The following TFEC variants were observed in gnomAD, a reference collection of about 807,000 sequenced individuals.
TFEC encodes class E basic helix-loop-helix protein 34.
TFEC carries 31 observed loss-of-function variants against 41.6 expected under a neutral mutation model. That is an observed-to-expected ratio of 0.74 (90% confidence interval 0.56 to 1.01). TFEC has a LOEUF of 1.01. TFEC is among the 50% of genes least tolerant of loss of function. The pLI, the probability that TFEC is intolerant of heterozygous loss-of-function variation, is 0.00. For missense variants in TFEC, 402 were observed against 404.1 expected, an observed-to-expected ratio of 0.99 and a Z score of 0.04; for synonymous variants, 143 against 140.6, an observed-to-expected ratio of 1.02 and a Z score of -0.12.
chr7:115,998,417 G>C (rs1486381820), intron 1 of TFEC, among the ~76,000 whole-genome samples: 1 of 151,564 alleles, frequency 6.6e-6, no homozygotes, highest in Non-Finnish European at 1.5e-5. Flanking sequence ...AAAGAAGGAA[G>C]AGAAGACCAC....
At chr7:116,153,663 G>GA (rs1032944706) in intron 1 of TFEC, among the ~76,000 whole-genome samples, 48 of 145,290 alleles carry the variant, frequency 3.3e-4, no homozygotes, top group East Asian at 6.0e-4. Context: ...GGACAAAGAG[G>GA]AAAAAAAAAA....
chr7:116,153,921 C>A (rs1193105408), intron 1 of TFEC, among the ~76,000 whole-genome samples: 1 of 152,106 alleles, frequency 6.6e-6, no homozygotes, highest in African/African-American at 2.4e-5. Flanking sequence ...TAACTGGAAT[C>A]ATAGAAAAAG....
In TFEC at chr7:115,940,653, A is replaced by T. The variant is rs1424020562; in HGVS notation, c.942T>A (p.Ser314=). Residue 314 remains serine, a synonymous_variant, in exon 8 of 8, where the codon TCT becomes TCA. Transcript: ENST00000265440. ...ATAGCAGAGGATCTGTTCCAAATGG[A>T]GAGATTGTGTCATCCAATAGCATGC... ...LDGMLLDDTI[S]PFGTDPLLSA... 1.2e-6 allele frequency: 2 copies of T among 1,613,586 alleles called. No individual in the cohort carries two copies. The highest frequency in any genetic ancestry group is 4.5e-5 in the East Asian group (2 of 44,856).
intron 1 of TFEC, among the ~76,000 whole-genome samples, chr7:116,115,190 C>G (rs1205708017): frequency 1.3e-5 from 2 of 151,986 alleles, no homozygotes; most frequent in Non-Finnish European, 2.9e-5. Context: ...AATTCAGGCT[C>G]TTTAGACCTC....
chr7:115,978,086 A>G (rs955131967), intron 2 of TFEC, among the ~76,000 whole-genome samples: 1 of 152,136 alleles, frequency 6.6e-6, no homozygotes, highest in Non-Finnish European at 1.5e-5. Flanking sequence ...AAATGAGTTA[A>G]CATACTGATT....
At chr7:116,049,369 A>C (rs894160564) in intron 3 of TFEC, among the ~76,000 whole-genome samples, 18 of 152,272 alleles carry the variant, frequency 1.2e-4, no homozygotes, top group Non-Finnish European at 2.4e-4. Flanking sequence ...AACAAAGATC[A>C]GAAGAGACAA....
Position 115,944,013 on chromosome 7 carries a change from A to ATTTTTTTTTTTTTTTTTTTTTT in TFEC, c.516-1995_516-1974dup. On this transcript the variant is annotated intron_variant, in intron 6 of 7. Transcript: ENST00000265440. ...GAAAATAATACTATGACAGGTCTGA[A>ATTTTTTTTTTTTTTTTTTTTTT]TTTTTTTTTTTTTTTTTTTTTTTTT... Among the ~76,000 whole-genome samples the ATTTTTTTTTTTTTTTTTTTTTT allele has an allele frequency of 5.9e-3, 134 of 22,838 alleles. 30 individuals carry two copies. Among genetic ancestry groups the ATTTTTTTTTTTTTTTTTTTTTT allele is most frequent in the Non-Finnish European group, 9.3e-3 (90 of 9,650 alleles). 15.0% of individuals were successfully genotyped at this position (22,838 alleles called of 152,430 possible).
chr7:115,953,190 G>A (rs1010371972), intron 5 of TFEC, among the ~76,000 whole-genome samples: 11 of 132,422 alleles, frequency 8.3e-5, no homozygotes, highest in African/African-American at 2.8e-4. Flanking sequence ...GGGGCTGCAA[G>A]CTGAGAGCTG....
intron 1 of TFEC, among the ~76,000 whole-genome samples, chr7:116,130,635 G>T (rs1180374286): frequency 6.6e-6 from 1 of 152,062 alleles, no homozygotes; most frequent in African/African-American, 2.4e-5. Context: ...GAGTGGTGGG[G>T]ACAGTTTCCC....
At chr7:116,050,767 T>A (rs985146024) in intron 3 of TFEC, among the ~76,000 whole-genome samples, 1 of 152,178 alleles carries the variant, frequency 6.6e-6, no homozygotes, top group African/African-American at 2.4e-5. Context: ...GAACTAGAAA[T>A]ACCATTTGAC....
Position 115,949,064 on chromosome 7 carries a change from C to T in TFEC, c.515+1810G>A, listed in dbSNP as rs555158795. ...TTCTTATACACAAATAACAGACAAA[C>T]GGAGAGCCAAATCATGAGTGAACTC... On this transcript the variant is annotated intron_variant, in intron 6 of 7. Transcript: ENST00000265440. Among the ~76,000 whole-genome samples, 831 of 152,156 alleles carry T rather than the reference C, an allele frequency of 5.5e-3. 5 individuals carry two copies. The highest frequency in any genetic ancestry group is 0.019 in the African/African-American group (799 of 41,518).
intron 3 of TFEC, among the ~76,000 whole-genome samples, chr7:116,059,256 AT>A (rs879936589): frequency 2.3e-4 from 35 of 151,950 alleles, no homozygotes; most frequent in Admixed American, 3.9e-4. Flanking sequence ...CAAAACTTAA[AT>A]TTTTTTGACA....
intron 3 of TFEC, among the ~76,000 whole-genome samples, chr7:116,071,228 A>T (rs1796820415): frequency 6.6e-6 from 1 of 151,220 alleles, no homozygotes; most frequent in African/African-American, 2.4e-5. Flanking sequence ...ATAATATTAA[A>T]GTTTAGAGAT....
At chr7:116,141,307 T>C (rs1314787960) in intron 1 of TFEC, among the ~76,000 whole-genome samples, 1 of 152,040 alleles carries the variant, frequency 6.6e-6, no homozygotes, top group Non-Finnish European at 1.5e-5. Context: ...TCTCATGATG[T>C]TAATGTCATA....
chr7:116,001,960 A>C (rs7799382), intron 1 of TFEC, among the ~76,000 whole-genome samples: 129,503 of 152,166 alleles, frequency 0.85, 55,246 homozygotes, highest in Non-Finnish European at 0.89. Flanking sequence ...ATGCAAATCC[A>C]AAACTACAAT....
At chr7:116,154,929 T>C (rs1388288644) in intron 1 of TFEC, among the ~76,000 whole-genome samples, 1 of 152,200 alleles carries the variant, frequency 6.6e-6, no homozygotes, top group Non-Finnish European at 1.5e-5. Context: ...GTCTCAGCCT[T>C]GGCCCTGGTT....
At chr7:116,110,683 G>C in intron 3 of TFEC, 1 of 1,279,938 alleles carries the variant, frequency 7.8e-7, no homozygotes, top group African/African-American at 1.6e-5. Flanking sequence ...AGAAATTACG[G>C]CTGTATATGT....
chr7:116,159,701 G>T (rs957382394), intron 1 of TFEC: 2 of 152,098 alleles, frequency 1.3e-5, no homozygotes, highest in Non-Finnish European at 2.9e-5. Context: ...AAACTAAGTT[G>T]AAATTTATAG....
At position 115,946,220 on chromosome 7, in the gene TFEC, G is replaced by A. The variant is rs536770568; in HGVS notation, c.516-4180C>T. On this transcript the variant is annotated intron_variant, in intron 6 of 7. Coordinates refer to ENST00000265440, the MANE Select transcript of TFEC (RefSeq NM_012252.4). ...TTAGAGACTTTAAAAGATTTGAAGA[G>A]TTTGGAGTAGAGTCTAAATTAGGCC... is the stretch of plus-strand genomic sequence containing the variant. Among the ~76,000 whole-genome samples, 68 of 150,806 alleles carry A rather than the reference G, an allele frequency of 4.5e-4. No homozygotes were observed. The Middle Eastern group carries it at 0.014, about 30-fold the overall frequency.
Sources: allele counts gnomAD v4.1 joint callset (sites outside exome capture counted in the v4.1 genomes callset), GRCh38; gene constraint gnomAD v4.1.1; transcripts MANE v1.5; gene names NCBI Gene and HGNC (gene_info 2026-07-23, HGNC 2026-07-21).